C3orf20: variants seen among roughly 807,000 people sequenced by gnomAD.
C3orf20 encodes uncharacterized protein C3orf20.
A neutral mutation model predicts 88.3 loss-of-function variants in C3orf20; 76 were observed. That is an observed-to-expected ratio of 0.86 (90% CI 0.72 to 1.04). The LOEUF (loss-of-function observed/expected upper bound fraction) is 1.04, where lower values mean the gene tolerates loss of function less well. Among genes scored for constraint, C3orf20 ranks in the 50% least tolerant of loss-of-function variants. C3orf20 has a pLI of 0.00. For synonymous variants in C3orf20, 436 were observed against 437.4 expected (o/e 1.00, Z 0.04); for missense variants, 1,056 against 1,123.3 (o/e 0.94, Z 0.86).
At chr3:14,754,723 C>G (rs1456129768) in intron 12 of C3orf20, among the ~76,000 whole-genome samples, 1 of 151,884 alleles carries the variant, frequency 6.6e-6, no homozygotes, top group African/African-American at 2.4e-5. Context: ...ATTTTTAAAT[C>G]TTTATTTTTA....
At position 14,757,620 on chromosome 3, in the gene C3orf20, G is replaced by T; in HGVS notation, c.2190G>T (p.Leu730=). 1 of 1,613,842 alleles carries T rather than the reference G, an allele frequency of 6.2e-7. No homozygotes were observed. The highest frequency in any genetic ancestry group is 8.5e-7 in the Non-Finnish European group (1 of 1,179,946). ...NYTSTGQLQW[L]LNTLYNHQQR... ...CCAGCACTGGGCAGCTCCAGTGGCT[G>T]CTGAACACTCTCTACAACCACCAGC... Residue 730 remains leucine, a synonymous_variant, in exon 13 of 17, where the codon CTG becomes CTT. Transcript: ENST00000253697.
At chr3:14,763,497 C>T (rs1022063318) in intron 15 of C3orf20, among the ~76,000 whole-genome samples, 1 of 152,130 alleles carries the variant, frequency 6.6e-6, no homozygotes, top group Non-Finnish European at 1.5e-5. Flanking sequence ...AGCTCTGCCT[C>T]CCAACACCAT....
chr3:14,747,113 C>T (rs1417909150), intron 12 of C3orf20, among the ~76,000 whole-genome samples: 1 of 152,132 alleles, frequency 6.6e-6, no homozygotes, highest in Non-Finnish European at 1.5e-5. Context: ...GGGATGTTGT[C>T]AAAGTTACCA....
At position 14,772,681 on chromosome 3, in the gene C3orf20, T is replaced by C. The variant is rs1311470944; in HGVS notation, c.2631-110T>C. Reference sequence around the variant, plus strand: ...CTGGTTGGAACAGCACCCAACAGCCTCACCTGTGCAAGGGAGAGGGCCTTG... The same window carrying C: ...CTGGTTGGAACAGCACCCAACAGCCCCACCTGTGCAAGGGAGAGGGCCTTG... On this transcript the variant is annotated intron_variant, in intron 16 of 16. Coordinates refer to ENST00000253697, the MANE Select transcript of C3orf20 (RefSeq NM_032137.5). This position sits in a 1 kb window ranked among gnomAD's most constrained non-coding sequence, Gnocchi z 4.2. 1.2e-6 allele frequency: 1 copy of C among 809,002 alleles called. No individual in the cohort carries two copies. Among genetic ancestry groups the C allele is most frequent in the Non-Finnish European group, 2.1e-6 (1 of 484,884 alleles). The allele number at this position is 809,002 out of a possible 1,614,324, so 50.1% of individuals were successfully genotyped here. A position where few individuals can be genotyped will look rare whatever the true frequency, so the allele number is the denominator to read the frequency against.
chr3:14,719,651 T>C (rs539445954), intron 9 of C3orf20, among the ~76,000 whole-genome samples: 4 of 152,278 alleles, frequency 2.6e-5, no homozygotes, highest in South Asian at 2.1e-4. Context: ...AGAAGACAAG[T>C]CTGTGGTTTA....
At chr3:14,769,651 G>T (rs2035808309) in intron 15 of C3orf20, among the ~76,000 whole-genome samples, 1 of 152,128 alleles carries the variant, frequency 6.6e-6, no homozygotes, top group South Asian at 2.1e-4. Flanking sequence ...CATGCCGTGG[G>T]GGCTGGAGCT....
rs1406982236 is a variant in C3orf20, at chr3:14,690,047, A to G, written c.676A>G (p.Ile226Val). The G allele has an allele frequency of 6.2e-6, 10 of 1,614,034 alleles. No homozygotes were observed. The highest frequency in any genetic ancestry group is 8.5e-6 in the Non-Finnish European group (10 of 1,180,026). The change falls in exon 5 of 17, where the codon ATC (isoleucine) becomes GTC (valine). Residue 226 changes from isoleucine to valine, a missense_variant. By Grantham distance (29) the Ile-to-Val change is conservative. Coordinates refer to ENST00000253697, the MANE Select transcript of C3orf20 (RefSeq NM_032137.5). ...AIGVNSPYQL[I>V]YHSSTACLSF... Reference sequence around the variant, plus strand: ...TGGGGTGAACTCGCCTTACCAGCTGATCTACCACTCTTCCACAGCCTGTCT... The same window carrying G: ...TGGGGTGAACTCGCCTTACCAGCTGGTCTACCACTCTTCCACAGCCTGTCT...
intron 12 of C3orf20, among the ~76,000 whole-genome samples, chr3:14,742,864 T>C (rs919240236): frequency 9.2e-5 from 14 of 152,112 alleles, no homozygotes; most frequent in African/African-American, 3.4e-4. Flanking sequence ...ATGAGATTTA[T>C]TCACTATCAG....
At chr3:14,715,548 A>G in intron 9 of C3orf20, 139 bp downstream of exon 9, 1 of 1,171,694 alleles carries the variant, frequency 8.5e-7, no homozygotes, top group Non-Finnish European at 1.1e-6. Flanking sequence ...AGGAGCTCAT[A>G]ATCTCATTCA....
Position 14,701,519 on chromosome 3 carries a change from C to T in C3orf20, c.746-1611C>T, listed in dbSNP as rs1280643545. Among the ~76,000 whole-genome samples the T allele has an allele frequency of 6.6e-6, 1 of 152,114 alleles. No homozygotes were observed. The highest frequency in any genetic ancestry group is 2.4e-5 in the African/African-American group (1 of 41,414). ...CCACGACTCCACATGACCACATCCT[C>T]ATACCACCTGACACCTATCATGGAG... On this transcript the variant is annotated intron_variant, in intron 5 of 16. Coordinates refer to ENST00000253697, the MANE Select transcript of C3orf20 (RefSeq NM_032137.5). The surrounding 1 kb of genome is among the most constrained non-coding windows in gnomAD (Gnocchi z 4.6).
At chr3:14,686,265 C>G (rs2032427142) in intron 4 of C3orf20, among the ~76,000 whole-genome samples, 1 of 151,504 alleles carries the variant, frequency 6.6e-6, no homozygotes, top group African/African-American at 2.4e-5. Context: ...GTTTCCATGT[C>G]TTGGCTATGT....
chr3:14,768,230 G>A lies in C3orf20; in HGVS notation c.2496-3837G>A, dbSNP rs531069400. 1.3e-5 allele frequency among the ~76,000 whole-genome samples: 2 copies of A among 152,168 alleles called. No homozygotes were observed. The highest frequency in any genetic ancestry group is 4.8e-5 in the African/African-American group (2 of 41,456). The stretch of plus-strand genomic sequence containing the variant: ...GTCTCTAGTTGGATCAGCAGTGCAG[G>A]GGGCCCACACCCTCGTCCGCTGCAT... On this transcript the variant is annotated intron_variant, in intron 15 of 16. Transcript: ENST00000253697. The surrounding 1 kb of genome is among the most constrained non-coding windows in gnomAD (Gnocchi z 4.1).
At chr3:14,687,711 A>G (rs2032503435) in intron 4 of C3orf20, among the ~76,000 whole-genome samples, 3 of 152,120 alleles carry the variant, frequency 2.0e-5, no homozygotes, top group Admixed American at 1.3e-4. Context: ...TTAAAAGGAA[A>G]ATGGTCCTCA....
At chr3:14,762,802 A>C (rs1461174770) in intron 15 of C3orf20, among the ~76,000 whole-genome samples, 1 of 148,648 alleles carries the variant, frequency 6.7e-6, no homozygotes, top group East Asian at 2.0e-4. Context: ...CAGGACCCTC[A>C]GTTTTCTAGG....
At chr3:14,744,264 G>A (rs1158265245) in intron 12 of C3orf20, among the ~76,000 whole-genome samples, 1 of 151,930 alleles carries the variant, frequency 6.6e-6, no homozygotes, top group African/African-American at 2.4e-5. Flanking sequence ...CTAGGGCAGG[G>A]GCAAAATGCT....
chr3:14,759,815 C>A, intron 13 of C3orf20, 76 bp from the exon 14 acceptor site: 1 of 1,268,610 alleles, frequency 7.9e-7, no homozygotes, highest in Non-Finnish European at 1.1e-6. Flanking sequence ...GGAACCAGGC[C>A]TAGCCGAGAA....
intron 9 of C3orf20, among the ~76,000 whole-genome samples, chr3:14,718,261 G>T (rs993263156): frequency 6.6e-6 from 1 of 151,960 alleles, no homozygotes; most frequent in Non-Finnish European, 1.5e-5. Flanking sequence ...TTTGAGATTG[G>T]ATGATTTCTC....
At chr3:14,680,950 G>A (rs2032054879) in intron 1 of C3orf20, among the ~76,000 whole-genome samples, 1 of 152,226 alleles carries the variant, frequency 6.6e-6, no homozygotes, top group Non-Finnish European at 1.5e-5. Context: ...CAAAGCTGAG[G>A]AATGGAGATG....
intron 5 of C3orf20, among the ~76,000 whole-genome samples, chr3:14,691,069 T>A: frequency 6.6e-6 from 1 of 152,262 alleles, no homozygotes; most frequent in Non-Finnish European, 1.5e-5. Flanking sequence ...TTTCCGTTAT[T>A]GAACAAATGG....
Sources: gnomAD v4.1 joint callset for allele counts (sites outside exome capture counted in the v4.1 genomes callset) on GRCh38, gnomAD v4.1.1 for gene constraint, Gnocchi (gnomAD v3.1) non-coding constraint, MANE v1.5 for transcripts, NCBI Gene and HGNC (gene_info 2026-07-23, HGNC 2026-07-21) for gene names.